NBDY: variants seen among roughly 807,000 people sequenced by gnomAD.
NBDY encodes P-body dissociating protein.
At chrX:56,733,474 G>A (rs2069470398) in intron 2 of NBDY, among the ~76,000 whole-genome samples, 1 of 110,663 alleles carries the variant, frequency 9.0e-6, no homozygotes, top group African/African-American at 3.3e-5. Context: ...CATATATTAG[G>A]TTTCATTAGA....
intron 2 of NBDY, among the ~76,000 whole-genome samples, chrX:56,746,534 T>C (rs535024500): frequency 9.0e-6 from 1 of 111,222 alleles, no homozygotes; most frequent in Non-Finnish European, 1.9e-5. Flanking sequence ...AAGCCTGCTA[T>C]GGGTCTCATC....
Position 56,818,606 on chromosome X carries a change from A to G in NBDY, c.*1453A>G, listed in dbSNP as rs1478894102. 8.9e-6 allele frequency: 1 copy of G among 112,097 alleles called. No homozygotes were observed. The highest frequency in any genetic ancestry group is 9.5e-5 in the Admixed American group (1 of 10,502). The allele number at this position is 112,097 out of a possible 1,213,427, so 9.2% of individuals were successfully genotyped here. On this transcript the variant is annotated 3_prime_UTR_variant, in exon 3 of 3. Transcript: ENST00000374922. The stretch of plus-strand genomic sequence containing the variant: ...AAGGCACAGTATTATAAAGATGACA[A>G]CACTCTTCAAAATAATCAAACTATT...
chrX:56,802,751 C>G (rs2069830132), intron 2 of NBDY, among the ~76,000 whole-genome samples: 1 of 112,694 alleles, frequency 8.9e-6, no homozygotes, highest in Non-Finnish European at 1.9e-5. Context: ...CATTTGTCTT[C>G]TATTTTTCTG....
intron 2 of NBDY, among the ~76,000 whole-genome samples, chrX:56,803,913 T>A (rs2146739277): frequency 8.9e-6 from 1 of 112,215 alleles, no homozygotes; most frequent in East Asian, 2.8e-4. Context: ...TGGGGAAACC[T>A]GCAACATGCG....
intron 2 of NBDY, among the ~76,000 whole-genome samples, chrX:56,748,105 A>G (rs1351159282): frequency 1.8e-5 from 2 of 111,257 alleles, no homozygotes; most frequent in East Asian, 5.6e-4. Flanking sequence ...AATCAGGTCT[A>G]CCCAAATTAT....
intron 2 of NBDY, among the ~76,000 whole-genome samples, chrX:56,789,174 T>G (rs749049870): frequency 2.7e-5 from 3 of 112,807 alleles, no homozygotes; most frequent in Non-Finnish European, 5.6e-5. Flanking sequence ...TGGCCAAGGA[T>G]CACCCACCTC....
chrX:56,739,240 A>ATG (rs2069516031), intron 2 of NBDY, among the ~76,000 whole-genome samples: 2 of 73,475 alleles, frequency 2.7e-5, no homozygotes, highest in African/African-American at 1.1e-4. Flanking sequence ...TTGTGTGTGT[A>ATG]TATATATATA....
At chrX:56,762,862 C>T (rs1243640855) in intron 2 of NBDY, among the ~76,000 whole-genome samples, 3 of 111,546 alleles carry the variant, frequency 2.7e-5, no homozygotes, top group Non-Finnish European at 5.6e-5. Context: ...CAAACACACC[C>T]GCACACAGAG....
chrX:56,752,003 C>T lies in NBDY; in HGVS notation c.*166+19804C>T, dbSNP rs1180984569. 3.6e-5 allele frequency among the ~76,000 whole-genome samples: 4 copies of T among 111,976 alleles called. No individual in the cohort carries two copies. The East Asian group carries it at 1.1e-3, about 31-fold the overall frequency. On this transcript the variant is annotated intron_variant, in intron 2 of 2. Transcript: ENST00000374922. ...ATTCATTTAGGATTATGGACTCCAG[C>T]TCCATCCATATTGCTGCAGAGGACA...
chrX:56,796,662 C>T (rs1289193811), intron 2 of NBDY, among the ~76,000 whole-genome samples: 1 of 111,042 alleles, frequency 9.0e-6, no homozygotes, highest in East Asian at 2.8e-4. Flanking sequence ...CGTTTTTCAT[C>T]TTCCTCTCTT....
At chrX:56,739,297 TATAGAG>T (rs1210928075) in intron 2 of NBDY, among the ~76,000 whole-genome samples, 4 of 87,181 alleles carry the variant, frequency 4.6e-5, no homozygotes, top group Admixed American at 1.3e-4. Flanking sequence ...TATATATATA[TATAGAG>T]AGAGAGAGAG....
chrX:56,755,773 C>T (rs2069607435), intron 2 of NBDY, among the ~76,000 whole-genome samples: 1 of 108,643 alleles, frequency 9.2e-6, no homozygotes, highest in African/African-American at 3.3e-5. Context: ...CCATTTGACC[C>T]AGCCATCCCA....
intron 2 of NBDY, among the ~76,000 whole-genome samples, chrX:56,786,601 C>T (rs1225545635): frequency 9.6e-6 from 1 of 103,822 alleles, no homozygotes; most frequent in Non-Finnish European, 2.0e-5. Flanking sequence ...CTCCTCCCTC[C>T]TCCTTCTTCT....
At chrX:56,805,890 A>T (rs776507890) in intron 2 of NBDY, among the ~76,000 whole-genome samples, 1 of 111,334 alleles carries the variant, frequency 9.0e-6, no homozygotes, top group East Asian at 2.8e-4. Flanking sequence ...TTACATAGAT[A>T]TAGACGTGCC....
In NBDY at chrX:56,752,397, C is replaced by G. The variant is rs201502751; in HGVS notation, c.*166+20198C>G. Among the ~76,000 whole-genome samples the G allele has an allele frequency of 3.0e-4, 33 of 110,704 alleles. No homozygotes were observed. In the East Asian group the frequency reaches 8.8e-3, roughly 30 times the overall value. The stretch of plus-strand genomic sequence containing the variant: ...TTTTTGACTTTTTATAGTAGCCATC[C>G]TGATTGGTGTGAGATTTTTTTTATT... On this transcript the variant is annotated intron_variant, in intron 2 of 2. Transcript: ENST00000374922.
chrX:56,752,941 C>T (rs1171304924), intron 2 of NBDY, among the ~76,000 whole-genome samples: 1 of 112,108 alleles, frequency 8.9e-6, no homozygotes, highest in Non-Finnish European at 1.9e-5. Context: ...AATCAGAAAG[C>T]CTATGATTAT....
At chrX:56,747,990 G>T (rs904682653) in intron 2 of NBDY, among the ~76,000 whole-genome samples, 2 of 111,307 alleles carry the variant, frequency 1.8e-5, no homozygotes, top group Non-Finnish European at 3.8e-5. Context: ...TGGGCTTTCA[G>T]GAAGGACAGA....
chrX:56,783,293 A>G (rs1434287293), intron 2 of NBDY, among the ~76,000 whole-genome samples: 1 of 112,938 alleles, frequency 8.9e-6, no homozygotes, highest in African/African-American at 3.2e-5. Context: ...ACTGCCGGGC[A>G]TGAGTCGCCC....
chrX:56,753,214 C>T (rs1254065790), intron 2 of NBDY, among the ~76,000 whole-genome samples: 4 of 112,386 alleles, frequency 3.6e-5, no homozygotes, highest in Non-Finnish European at 7.5e-5. Flanking sequence ...ACTACTCAGT[C>T]TAATGCTGGA....
Sources: gnomAD v4.1 joint callset for allele counts (sites outside exome capture counted in the v4.1 genomes callset) on GRCh38, gnomAD v4.1.1 for gene constraint, MANE v1.5 for transcripts, NCBI Gene and HGNC (gene_info 2026-07-23, HGNC 2026-07-21) for gene names.